GRIK2: variants seen among roughly 807,000 people sequenced by gnomAD.
GRIK2 encodes glutamate ionotropic receptor kainate type subunit 2.
A neutral mutation model predicts 100.3 loss-of-function variants in GRIK2; 32 were observed. That is an observed-to-expected ratio of 0.32 (90% CI 0.24 to 0.43). GRIK2 has a LOEUF of 0.43. GRIK2 is among the 20% of genes least tolerant of loss of function. GRIK2 has a pLI of 1.00. For missense variants in GRIK2, 843 were observed against 1,114.9 expected (o/e 0.76, Z 3.47); for synonymous variants, 417 against 389.4 (o/e 1.07, Z -0.83).
chr6:101,549,369 C>T (rs1028736519), intron 2 of GRIK2, among the ~76,000 whole-genome samples: 3 of 151,158 alleles, frequency 2.0e-5, no homozygotes, highest in African/African-American at 4.9e-5. Flanking sequence ...TTCACGGAGA[C>T]AGATGCTTGA....
At chr6:101,484,539 A>ACACG (rs71705795) in intron 2 of GRIK2, among the ~76,000 whole-genome samples, 2 of 23,432 alleles carry the variant, frequency 8.5e-5, no homozygotes, top group African/African-American at 3.2e-4. Flanking sequence ...ATATGTAACT[A>ACACG]CACACACACA....
At chr6:101,685,794 T>A (rs1337196744) in intron 6 of GRIK2, among the ~76,000 whole-genome samples, 1 of 150,590 alleles carries the variant, frequency 6.6e-6, no homozygotes, top group Non-Finnish European at 1.5e-5. Flanking sequence ...AAAAAAAAAA[T>A]TAAAAACAGC....
chr6:102,006,798 T>C (rs1268867554), intron 14 of GRIK2, among the ~76,000 whole-genome samples: 1 of 152,110 alleles, frequency 6.6e-6, no homozygotes, highest in Admixed American at 6.6e-5. Context: ...ATTTGCAAGT[T>C]CTAATATAAT....
intron 2 of GRIK2, among the ~76,000 whole-genome samples, chr6:101,519,904 C>G (rs1158367211): frequency 6.6e-6 from 1 of 151,986 alleles, no homozygotes; most frequent in Admixed American, 6.6e-5. Flanking sequence ...GATGACTTGC[C>G]TATTTGTTTT....
intron 12 of GRIK2, among the ~76,000 whole-genome samples, chr6:101,892,074 A>T (rs1433293107): frequency 6.6e-6 from 1 of 151,960 alleles, no homozygotes; most frequent in Admixed American, 6.6e-5. Context: ...GTTTTTTTTT[A>T]AATTAACAAA....
intron 10 of GRIK2, among the ~76,000 whole-genome samples, chr6:101,854,154 T>C (rs1214270627): frequency 1.3e-5 from 2 of 152,144 alleles, no homozygotes; most frequent in Admixed American, 6.6e-5. Context: ...TGGATGTTGA[T>C]AGTAGGGTAA....
intron 14 of GRIK2, among the ~76,000 whole-genome samples, chr6:101,956,686 A>T (rs1264278509): frequency 6.6e-6 from 1 of 151,586 alleles, no homozygotes; most frequent in Non-Finnish European, 1.5e-5. Context: ...CTCCTGCTTT[A>T]TCTATGTTGT....
intron 4 of GRIK2, among the ~76,000 whole-genome samples, chr6:101,644,742 T>A (rs1441229144): frequency 2.0e-5 from 3 of 151,806 alleles, no homozygotes; most frequent in Non-Finnish European, 4.4e-5. Context: ...GTTATTAAGT[T>A]TTGTAGTTAT....
intron 2 of GRIK2, among the ~76,000 whole-genome samples, chr6:101,454,557 A>G (rs1010308287): frequency 4.6e-5 from 7 of 152,106 alleles, no homozygotes; most frequent in African/African-American, 1.7e-4. Context: ...TCAACATAGG[A>G]GATTAACTGG....
Position 101,626,655 on chromosome 6 carries a change from C to CT in GRIK2, c.541+22dup. The CT allele has an allele frequency of 1.2e-6, 2 of 1,605,032 alleles. No individual in the cohort carries two copies. The highest frequency in any genetic ancestry group is 1.7e-6 in the Non-Finnish European group (2 of 1,173,046). ...CAGCACTGGTAAGAAAAATCAGTATCTTTTGGAGCTATGCTTTAAATATAG... is the reference window on the plus strand; with the variant it reads ...CAGCACTGGTAAGAAAAATCAGTATCTTTTTGGAGCTATGCTTTAAATATAG... On this transcript the variant is annotated intron_variant, in intron 4 of 16. Coordinates refer to ENST00000369134, the MANE Select transcript of GRIK2 (RefSeq NM_021956.5).
chr6:101,613,815 CAGTT>C (rs1434773865), intron 2 of GRIK2, among the ~76,000 whole-genome samples: 1 of 149,398 alleles, frequency 6.7e-6, no homozygotes, highest in Non-Finnish European at 1.5e-5. Context: ...ATGTGACAAA[CAGTT>C]AAACAATTTC....
intron 7 of GRIK2, among the ~76,000 whole-genome samples, chr6:101,716,155 A>T (rs1053924910): frequency 1.3e-5 from 2 of 151,850 alleles, no homozygotes; most frequent in African/African-American, 4.8e-5. Context: ...GTGTCCAGAT[A>T]ACTTCTTATG....
At chr6:102,021,335 A>G (rs1288603423) in intron 14 of GRIK2, among the ~76,000 whole-genome samples, 4 of 151,622 alleles carry the variant, frequency 2.6e-5, no homozygotes, top group African/African-American at 7.2e-5. Context: ...TTCATAGAAA[A>G]CTGAGGGTAA....
chr6:101,700,567 T>A (rs969947790), intron 7 of GRIK2, among the ~76,000 whole-genome samples: 2 of 152,106 alleles, frequency 1.3e-5, no homozygotes, highest in Non-Finnish European at 2.9e-5. Context: ...TTACACTAAC[T>A]CTAAGTCTCA....
intron 12 of GRIK2, among the ~76,000 whole-genome samples, chr6:101,922,092 C>T (rs554416190): frequency 6.5e-5 from 2 of 30,832 alleles, no homozygotes; most frequent in South Asian, 8.9e-4. Context: ...TCCTTCCTTC[C>T]TTCCTTCCTT....
intron 4 of GRIK2, among the ~76,000 whole-genome samples, chr6:101,635,628 G>T (rs140542234): frequency 3.3e-5 from 5 of 152,222 alleles, no homozygotes; most frequent in Non-Finnish European, 5.9e-5. Flanking sequence ...CTAATATCCA[G>T]AATCTACAAG....
chr6:101,891,632 A>G, intron 12 of GRIK2: 1 of 386,336 alleles, frequency 2.6e-6, no homozygotes, highest in South Asian at 2.0e-5. Flanking sequence ...CTAATTAGTT[A>G]GATATTAAGA....
chr6:101,477,405 G>A (rs1772298046), intron 2 of GRIK2, among the ~76,000 whole-genome samples: 1 of 152,146 alleles, frequency 6.6e-6, no homozygotes, highest in Non-Finnish European at 1.5e-5. Context: ...CTTCTTGAGA[G>A]CTTAGCCCAC....
chr6:101,568,691 T>G lies in GRIK2; in HGVS notation c.116-53258T>G, dbSNP rs1278546556. On this transcript the variant is annotated intron_variant, in intron 2 of 16. Transcript: ENST00000369134. ...AAATGTCAACCATAAAATTTATTTT[T>G]ATAGCCTTGTGACCATTTCTAACTA... is the stretch of plus-strand genomic sequence containing the variant. 2.0e-5 allele frequency among the ~76,000 whole-genome samples: 3 copies of G among 152,200 alleles called. No individual in the cohort carries two copies. The East Asian group carries it at 5.8e-4, about 29-fold the overall frequency.
Sources: allele counts gnomAD v4.1 joint callset (sites outside exome capture counted in the v4.1 genomes callset), GRCh38; gene constraint gnomAD v4.1.1; transcripts MANE v1.5; gene names NCBI Gene and HGNC (gene_info 2026-07-23, HGNC 2026-07-21).